Variants in NCKAP1L observed in about 807,000 individuals in gnomAD.
NCKAP1L encodes NCK associated protein 1 like, also known as nck-associated protein 1-like.
Under a neutral mutation model 139.2 loss-of-function variants are expected in NCKAP1L, and 53 were observed. That is an observed-to-expected ratio of 0.38 (90% CI 0.31 to 0.48). The LOEUF is 0.48. Among genes scored for constraint, NCKAP1L ranks in the 20% least tolerant of loss-of-function variants. The pLI is 0.98. For synonymous variants in NCKAP1L, 468 were observed against 499.7 expected, an observed-to-expected ratio of 0.94 and a Z score of 0.85; for missense variants, 1,151 against 1,381.9, an observed-to-expected ratio of 0.83 and a Z score of 2.65.
chr12:54,521,746 C>G (rs1022944891), intron 18 of NCKAP1L, among the ~76,000 whole-genome samples: 2 of 152,094 alleles, frequency 1.3e-5, no homozygotes, highest in Non-Finnish European at 2.9e-5. Context: ...CTTAGCACCT[C>G]GTCATAATTA....
intron 30 of NCKAP1L, among the ~76,000 whole-genome samples, chr12:54,541,553 A>G (rs1957158155): frequency 6.6e-6 from 1 of 152,190 alleles, no homozygotes; most frequent in African/African-American, 2.4e-5. Flanking sequence ...CAGTTTTACC[A>G]GCAGATTTCC....
intron 29 of NCKAP1L, among the ~76,000 whole-genome samples, chr12:54,537,967 A>G (rs1565684066): frequency 6.6e-6 from 1 of 152,164 alleles, no homozygotes. Flanking sequence ...AGGCCCTAGA[A>G]TTTTCCATTC....
chr12:54,517,998 A>G (rs752907550), intron 13 of NCKAP1L, 60 bp downstream of exon 13: 8 of 1,587,172 alleles, frequency 5.0e-6, no homozygotes, highest in Middle Eastern at 1.7e-4. Context: ...TGATTTTCCT[A>G]TTGAAACCAC....
In NCKAP1L at chr12:54,531,323, T is replaced by G; in HGVS notation, c.2570T>G (p.Met857Arg). The change falls in exon 23 of 31, where the codon ATG becomes AGG. Residue 857 changes from methionine to arginine, a missense_variant. Met to Arg is a moderately conservative substitution (Grantham distance 91). Transcript: ENST00000293373. ...ATGAAGTTCCTGAGTGAAAACCTGA[T>G]GTGGCATGTGACCTCTCAGATTGTG... ...YGMKFLSENLMWHVTSQIVEL... is the reference protein window; with the variant it reads ...YGMKFLSENLRWHVTSQIVEL... The G allele has an allele frequency of 6.2e-7, 1 of 1,614,124 alleles. No individual in the cohort carries two copies.
intron 20 of NCKAP1L, 58 bp downstream of exon 20, chr12:54,524,014 C>T (rs1353392482): frequency 1.3e-6 from 2 of 1,555,258 alleles, no homozygotes; most frequent in Non-Finnish European, 1.7e-6. Flanking sequence ...TACCATATAC[C>T]TCTATGTGTA....
intron 9 of NCKAP1L, 97 bp from the exon 10 acceptor site, chr12:54,516,142 C>T: frequency 7.9e-7 from 1 of 1,271,268 alleles, no homozygotes; most frequent in Non-Finnish European, 1.1e-6. Context: ...CATGCTCCCA[C>T]CAGGGTATAG....
At chr12:54,515,749 A>G (rs528158003) in intron 9 of NCKAP1L, among the ~76,000 whole-genome samples, 1 of 152,352 alleles carries the variant, frequency 6.6e-6, no homozygotes. Context: ...GGAGAGATTA[A>G]AGTATTAAAT....
intron 20 of NCKAP1L, 129 bp downstream of exon 20, chr12:54,524,085 G>A: frequency 1.0e-6 from 1 of 984,520 alleles, no homozygotes; most frequent in East Asian, 2.4e-5. Flanking sequence ...GCCACACGGT[G>A]GAGATTCTGT....
chr12:54,523,162 C>T (rs1333222576), intron 18 of NCKAP1L, among the ~76,000 whole-genome samples: 1 of 152,144 alleles, frequency 6.6e-6, no homozygotes, highest in Non-Finnish European at 1.5e-5. Flanking sequence ...CAGAAAGACA[C>T]TGCCATCTTG....
chr12:54,538,030 C>T (rs1957126333), intron 29 of NCKAP1L, among the ~76,000 whole-genome samples: 1 of 152,160 alleles, frequency 6.6e-6, no homozygotes, highest in Non-Finnish European at 1.5e-5. Context: ...ATGGTCCATT[C>T]CCCTCTGCCT....
intron 22 of NCKAP1L, among the ~76,000 whole-genome samples, chr12:54,528,718 C>T (rs926506809): frequency 5.9e-5 from 9 of 151,864 alleles, no homozygotes; most frequent in African/African-American, 1.7e-4. Flanking sequence ...CTGCGCCTCC[C>T]GGGTTCAAGC....
At chr12:54,521,565 C>T (rs1485422257) in intron 18 of NCKAP1L, among the ~76,000 whole-genome samples, 1 of 152,184 alleles carries the variant, frequency 6.6e-6, no homozygotes, top group Non-Finnish European at 1.5e-5. Flanking sequence ...CCTGCGTACA[C>T]ATACTAAGGA....
chr12:54,532,361 G>A, intron 26 of NCKAP1L, 111 bp downstream of exon 26: 1 of 704,360 alleles, frequency 1.4e-6, no homozygotes, highest in Non-Finnish European at 2.2e-6. Context: ...TAGGGATAAG[G>A]GCGAGGGTTT....
In NCKAP1L at chr12:54,531,831, T is replaced by A. The variant is rs775985578; in HGVS notation, c.2781+6T>A. On this transcript the variant is annotated splice_donor_region_variant and intron_variant, in intron 25 of 30. Transcript: ENST00000293373. The stretch of plus-strand genomic sequence containing the variant: ...CCCAAGAGGGACTTCGGGAGGTGAG[T>A]TGGTGGGGAGGGGTCTGTCACAGAG... 1 of 1,607,258 alleles carries A rather than the reference T, an allele frequency of 6.2e-7. No individual in the cohort carries two copies. Among genetic ancestry groups the A allele is most frequent in the African/African-American group, 1.3e-5 (1 of 74,788 alleles).
rs141667137 is a variant in NCKAP1L at position 54,522,781 on chromosome 12, C to G, written c.1879-613C>G. Among the ~76,000 whole-genome samples, 35 of 152,294 alleles carry G rather than the reference C, an allele frequency of 2.3e-4. No individual in the cohort carries two copies. In the East Asian group the frequency reaches 5.4e-3, roughly 24 times the overall value. ...AGCTCTGGAGTAAATGGAGAGAATT[C>G]CAGTCACCCTGAAGGAGATGTCTGA... On this transcript the variant is annotated intron_variant, in intron 18 of 30. Transcript: ENST00000293373.
chr12:54,522,033 T>C (rs1308924233), intron 18 of NCKAP1L, among the ~76,000 whole-genome samples: 1 of 152,192 alleles, frequency 6.6e-6, no homozygotes, highest in East Asian at 1.9e-4. Context: ...ATAGGGTATA[T>C]TTAATATTTG....
rs764819876 is a variant in NCKAP1L at position 54,508,523 on chromosome 12, T to A, written c.498T>A (p.His166Gln). Residue 166 changes from histidine (H) to glutamine (Q), a missense_variant, in exon 5 of 31, where the codon CAT (histidine) becomes CAA (glutamine). Coordinates refer to ENST00000293373, the MANE Select transcript of NCKAP1L (RefSeq NM_005337.5). The stretch of plus-strand genomic sequence containing the variant: ...ACAATTGTGCCCATGAGATGCTGCA[T>A]GGGCATGGGTGAGTTAAGGCGAGAG... ...GMYNCAHEML[H>Q]GHGDPSFARL... is the part of the protein sequence containing the mutation. 1 of 1,614,162 alleles carries A rather than the reference T, an allele frequency of 6.2e-7. No homozygotes were observed.
chr12:54,531,909 G>A (rs939275103), intron 25 of NCKAP1L, 84 bp downstream of exon 25: 30 of 1,202,916 alleles, frequency 2.5e-5, no homozygotes, highest in Non-Finnish European at 3.0e-5. Flanking sequence ...GAAGTATTGC[G>A]GGAATCAGTT....
chr12:54,508,507 C>G lies in NCKAP1L; in HGVS notation c.482C>G (p.Ala161Gly), dbSNP rs1350409122. ...RRILIGMYNCAHEMLHGHGDP... is the reference protein window; with the variant it reads ...RRILIGMYNCGHEMLHGHGDP... ...ATACTCATTGGCATGTACAATTGTG[C>G]CCATGAGATGCTGCATGGGCATGGG... Residue 161 changes from alanine (A) to glycine (G), a missense_variant, in exon 5 of 31, where the codon GCC becomes GGC. Physicochemically the swap from Ala to Gly is moderately conservative, Grantham distance 60. Transcript: ENST00000293373. The G allele has an allele frequency of 6.2e-7, 1 of 1,613,946 alleles. No individual in the cohort carries two copies. Among genetic ancestry groups the G allele is most frequent in the African/African-American group, 1.3e-5 (1 of 74,918 alleles).
Sources: gnomAD v4.1 joint callset for allele counts (sites outside exome capture counted in the v4.1 genomes callset) on GRCh38, gnomAD v4.1.1 for gene constraint, MANE v1.5 for transcripts, NCBI Gene and HGNC (gene_info 2026-07-23, HGNC 2026-07-21) for gene names.